Variants in ZNF763 observed in about 807,000 individuals in gnomAD.
ZNF763 encodes the protein DNA-binding protein.
ZNF763 carries 33 observed loss-of-function variants against 38.0 expected under a neutral mutation model. The ratio of observed to expected loss-of-function variants is 0.87; its 90% CI spans 0.66 to 1.16. The LOEUF is 1.16. Ranked by LOEUF, ZNF763 falls within the 50% of genes most tolerant of loss-of-function variation. The pLI is 0.00. For synonymous variants in ZNF763, 155 were observed against 160.1 expected (o/e 0.97, Z 0.24); for missense variants, 423 against 469.1 (o/e 0.90, Z 0.91).
intron 1 of ZNF763, among the ~76,000 whole-genome samples, chr19:11,969,282 T>A (rs1973301917): frequency 6.6e-6 from 1 of 152,282 alleles, no homozygotes; most frequent in Non-Finnish European, 1.5e-5. Flanking sequence ...TTTTTCTATT[T>A]TTAGTAAAGA....
At chr19:11,966,343 GTCACT>G (rs1303582189) in intron 1 of ZNF763, among the ~76,000 whole-genome samples, 1 of 152,144 alleles carries the variant, frequency 6.6e-6, no homozygotes, top group Non-Finnish European at 1.5e-5. Context: ...CCAAGAGCCA[GTCACT>G]TCACTTAACT....
In ZNF763 at chr19:11,978,755, C is replaced by G. The variant is rs1262075176; in HGVS notation, c.831C>G (p.Thr277=). The G allele has an allele frequency of 6.2e-7, 1 of 1,613,748 alleles. No individual in the cohort carries two copies. The part of the protein sequence containing the change: ...SSSSFQAHKR[T]HTGGKPYECK... ...GTTCTTTTCAAGCACATAAAAGAAC[C>G]CACACTGGGGGAAAGCCATATGAAT... The change falls in exon 4 of 4, where the codon ACC becomes ACG. Residue 277 remains threonine, a synonymous_variant. Transcript: ENST00000358987.
At chr19:11,965,247 A>G (rs1227546124) in intron 1 of ZNF763, 36 bp downstream of exon 1, 1 of 1,613,580 alleles carries the variant, frequency 6.2e-7, no homozygotes, top group East Asian at 2.2e-5. Context: ...GAGACGGGGT[A>G]GAGGCTGCCT....
intron 1 of ZNF763, among the ~76,000 whole-genome samples, chr19:11,965,557 G>A (rs1322096517): frequency 1.3e-5 from 2 of 152,256 alleles, no homozygotes; most frequent in African/African-American, 4.8e-5. Context: ...GTGCGTGGGA[G>A]GAGCAGTGGT....
intron 1 of ZNF763, among the ~76,000 whole-genome samples, chr19:11,965,555 G>A (rs920810940): frequency 6.6e-6 from 1 of 152,230 alleles, no homozygotes; most frequent in Non-Finnish European, 1.5e-5. Flanking sequence ...TCGTGCGTGG[G>A]AGGAGCAGTG....
chr19:11,979,757 C>G lies in ZNF763; in HGVS notation c.*648C>G. ...AGCCTTCAGATCTGCCCCACACCTT[C>G]GAATCCATGGTAGAACTCACACTGG... On this transcript the variant is annotated 3_prime_UTR_variant, in exon 4 of 4. Coordinates refer to ENST00000358987, the MANE Select transcript of ZNF763 (RefSeq NM_001367172.2). The G allele has an allele frequency of 2.5e-6, 4 of 1,581,556 alleles. No individual in the cohort carries two copies. The highest frequency in any genetic ancestry group is 1.4e-5 in the African/African-American group (1 of 73,682).
At chr19:11,974,018 G>A (rs1479144927) in intron 1 of ZNF763, among the ~76,000 whole-genome samples, 3 of 151,858 alleles carry the variant, frequency 2.0e-5, no homozygotes, top group East Asian at 3.9e-4. Context: ...TACCCCACCA[G>A]GTGTTTGCTG....
chr19:11,979,254 T>A lies in ZNF763; in HGVS notation c.*145T>A. The stretch of plus-strand genomic sequence containing the variant: ...GTTCCTTTCAGTATCATGAAAGGAC[T>A]CACACTGGAGAGAAACCCTATGAGT... On this transcript the variant is annotated 3_prime_UTR_variant, in exon 4 of 4. Transcript: ENST00000358987. 1 of 1,613,392 alleles carries A rather than the reference T, an allele frequency of 6.2e-7. No individual in the cohort carries two copies.
intron 1 of ZNF763, among the ~76,000 whole-genome samples, chr19:11,972,261 G>A (rs1973368444): frequency 6.6e-6 from 1 of 151,646 alleles, no homozygotes; most frequent in Non-Finnish European, 1.5e-5. Context: ...CTCCAGCCTG[G>A]GCAACAGAAT....
Position 11,979,005 on chromosome 19 carries a change from A to C in ZNF763, c.1081A>C (p.Thr361Pro). Residue 361 changes from threonine to proline, a missense_variant, in exon 4 of 4, where the codon ACC (threonine) becomes CCC (proline). Physicochemically the swap from Thr to Pro is conservative, Grantham distance 38. Coordinates refer to ENST00000358987, the MANE Select transcript of ZNF763 (RefSeq NM_001367172.2). ...CAGTTCCCTTCGTAGACATGAAAGGACCCACTCTGCGAAAAAACCTTATGA... is the reference window on the plus strand; with the variant it reads ...CAGTTCCCTTCGTAGACATGAAAGGCCCCACTCTGCGAAAAAACCTTATGA... ...YPSSLRRHER[T>P]HSAKKPYECK... 2 of 1,614,228 alleles carry C rather than the reference A, an allele frequency of 1.2e-6. No individual in the cohort carries two copies. The highest frequency in any genetic ancestry group is 1.3e-5 in the African/African-American group (1 of 75,066).
At position 11,978,782 on chromosome 19, in the gene ZNF763, T is replaced by A. The variant is rs1428775706; in HGVS notation, c.858T>A (p.Cys286Ter). ...ACACTGGGGGAAAGCCATATGAATGTAAACAATGTGGCAAATCCTTCAGTT... is the reference window on the plus strand; with the variant it reads ...ACACTGGGGGAAAGCCATATGAATGAAAACAATGTGGCAAATCCTTCAGTT... ...RTHTGGKPYE[C>*]KQCGKSFSWC... Residue 286 changes from cysteine (C) to a stop codon, truncating the protein, a stop_gained, in exon 4 of 4, where the codon TGT becomes TGA. Transcript: ENST00000358987. LOFTEE classifies it high-confidence loss of function. 6.2e-7 allele frequency: 1 copy of A among 1,614,164 alleles called. No individual in the cohort carries two copies. The highest frequency in any genetic ancestry group is 2.2e-5 in the East Asian group (1 of 44,872).
Position 11,979,623 on chromosome 19 carries a change from C to T in ZNF763, c.*514C>T. The T allele has an allele frequency of 6.2e-7, 1 of 1,605,844 alleles. No homozygotes were observed. The highest frequency in any genetic ancestry group is 8.5e-7 in the Non-Finnish European group (1 of 1,173,950). ...GAAAGGACTCACACTGGAGAGAAAC[C>T]CTATGAGTGTAAGCAATGTGGGAAA... On this transcript the variant is annotated 3_prime_UTR_variant, in exon 4 of 4. Transcript: ENST00000358987.
At position 11,979,027 on chromosome 19, in the gene ZNF763, A is replaced by G. The variant is rs777482606; in HGVS notation, c.1103A>G (p.Tyr368Cys). 3 of 1,614,210 alleles carry G rather than the reference A, an allele frequency of 1.9e-6. No individual in the cohort carries two copies. Among genetic ancestry groups the G allele is most frequent in the Middle Eastern group, 1.6e-4 (1 of 6,062 alleles). Reference protein sequence around the residue: ...HERTHSAKKPYECKQCGKALS... With the variant: ...HERTHSAKKPCECKQCGKALS... ...AGGACCCACTCTGCGAAAAAACCTT[A>G]TGAATGTAAGCAGTGTGGGAAAGCA... The change falls in exon 4 of 4, where the codon TAT becomes TGT. Residue 368 changes from tyrosine to cysteine, a missense_variant. Tyr to Cys is a radical substitution (Grantham distance 194). Coordinates refer to ENST00000358987, the MANE Select transcript of ZNF763 (RefSeq NM_001367172.2).
Position 11,978,595 on chromosome 19 carries a change from G to A in ZNF763, c.671G>A (p.Gly224Glu). 1 of 1,614,204 alleles carries A rather than the reference G, an allele frequency of 6.2e-7. No homozygotes were observed. The highest frequency in any genetic ancestry group is 1.1e-5 in the South Asian group (1 of 91,084). The change falls in exon 4 of 4, where the codon GGA (glycine) becomes GAA (glutamate). Residue 224 changes from glycine (G) to glutamate (E), a missense_variant. Physicochemically the swap from Gly to Glu is moderately conservative, Grantham distance 98 (BLOSUM62 -2). Transcript: ENST00000358987. ...CTTATCCATGAAAGAACTCACACTGGAGAGAAACCGTATGAATGTAAACAA... is the reference window on the plus strand; with the variant it reads ...CTTATCCATGAAAGAACTCACACTGAAGAGAAACCGTATGAATGTAAACAA... ...LYLIHERTHT[G>E]EKPYECKQCV...
intron 1 of ZNF763, chr19:11,976,796 A>G: frequency 2.6e-6 from 3 of 1,162,680 alleles, no homozygotes; most frequent in Non-Finnish European, 2.2e-6. Context: ...AACCCCGGTC[A>G]TGAGCCAAGA....
At chr19:11,975,739 A>G (rs1288297860) in intron 1 of ZNF763, among the ~76,000 whole-genome samples, 1 of 152,122 alleles carries the variant, frequency 6.6e-6, no homozygotes, top group African/African-American at 2.4e-5. Flanking sequence ...TATGCTTACT[A>G]CATTTTGTTT....
chr19:11,979,215 C>CTT lies in ZNF763; in HGVS notation c.*107_*108dup, dbSNP rs1973567893. 10 of 1,611,704 alleles carry CTT rather than the reference C, an allele frequency of 6.2e-6. No homozygotes were observed. In the South Asian group the frequency reaches 1.1e-4, roughly 18 times the overall value. On this transcript the variant is annotated 3_prime_UTR_variant, in exon 4 of 4. Transcript: ENST00000358987. ...ATAAATGCATGCCATGTGGTAAAGC[C>CTT]TTCAATCTTTCCAGTTCCTTTCAGT...
At chr19:11,971,632 T>A (rs1439236547) in intron 1 of ZNF763, among the ~76,000 whole-genome samples, 2 of 152,246 alleles carry the variant, frequency 1.3e-5, no homozygotes, top group Non-Finnish European at 2.9e-5. Flanking sequence ...ATAGTGTTAT[T>A]TAATCTCCTT....
At position 11,978,608 on chromosome 19, in the gene ZNF763, T is replaced by A; in HGVS notation, c.684T>A (p.Tyr228Ter). 4 of 1,614,220 alleles carry A rather than the reference T, an allele frequency of 2.5e-6. No homozygotes were observed. Among genetic ancestry groups the A allele is most frequent in the Non-Finnish European group, 2.5e-6 (3 of 1,180,038 alleles). ...HERTHTGEKP[Y>*]ECKQCVKSFS... ...GAACTCACACTGGAGAGAAACCGTATGAATGTAAACAATGTGTTAAATCCT... is the reference window on the plus strand; with the variant it reads ...GAACTCACACTGGAGAGAAACCGTAAGAATGTAAACAATGTGTTAAATCCT... Residue 228 changes from tyrosine to a stop codon, truncating the protein, a stop_gained, in exon 4 of 4, where the codon TAT becomes TAA. Coordinates refer to ENST00000358987, the MANE Select transcript of ZNF763 (RefSeq NM_001367172.2). LOFTEE classifies it high-confidence loss of function.
Sources: allele counts gnomAD v4.1 joint callset (sites outside exome capture counted in the v4.1 genomes callset), GRCh38; gene constraint gnomAD v4.1.1; transcripts MANE v1.5; gene names NCBI Gene and HGNC (gene_info 2026-07-23, HGNC 2026-07-21).